Variants in RTL4 observed in about 807,000 individuals in gnomAD.
The protein encoded by RTL4 is retrotransposon Gag-like protein 4.
RTL4 carries 4 observed loss-of-function variants against 5.3 expected under a neutral mutation model. The ratio of observed to expected loss-of-function variants is 0.75; its 90% CI spans 0.37 to 1.72. RTL4 has a LOEUF of 1.72. RTL4 is among the 40% of genes most tolerant of loss of function. The pLI, the probability that RTL4 is intolerant of heterozygous loss-of-function variation, is 0.04. For synonymous variants in RTL4, 98 were observed against 87.3 expected (o/e 1.12, Z -0.68); for missense variants, 260 against 227.1 (o/e 1.14, Z -0.93).
At chrX:112,367,911 A>G in the RTL4 span, among the ~76,000 whole-genome samples, 1 of 112,065 alleles carries the variant, frequency 8.9e-6, no homozygotes, top group Admixed American at 9.5e-5. Context: ...AGTTCTACGC[A>G]TAGAGCATAT....
the RTL4 span, among the ~76,000 whole-genome samples, chrX:112,168,801 G>A: frequency 1.8e-5 from 2 of 111,573 alleles, no homozygotes; most frequent in Non-Finnish European, 3.8e-5. Flanking sequence ...GTAATAATAA[G>A]TATAAGCAGG....
At chrX:112,361,948 A>G in the RTL4 span, among the ~76,000 whole-genome samples, 2 of 111,517 alleles carry the variant, frequency 1.8e-5, no homozygotes, top group African/African-American at 6.5e-5. Context: ...CAGCTTCAAC[A>G]ATCTGCTTCT....
At chrX:112,326,297 C>T in the RTL4 span, among the ~76,000 whole-genome samples, 3 of 111,521 alleles carry the variant, frequency 2.7e-5, no homozygotes, top group African/African-American at 9.8e-5. Flanking sequence ...TGGATGTGCG[C>T]ACCGTGCATG....
the RTL4 span, among the ~76,000 whole-genome samples, chrX:112,116,909 C>A: frequency 1.8e-5 from 2 of 111,293 alleles, no homozygotes; most frequent in Non-Finnish European, 3.8e-5. Flanking sequence ...TTATAGAGGG[C>A]CTACATGAAG....
the RTL4 span, among the ~76,000 whole-genome samples, chrX:112,392,130 G>A: frequency 8.9e-6 from 1 of 111,805 alleles, no homozygotes; most frequent in Non-Finnish European, 1.9e-5. Flanking sequence ...ATTAGTCTGA[G>A]GGTAGCAAGG....
chrX:112,196,082 A>T, the RTL4 span, among the ~76,000 whole-genome samples: 3 of 111,361 alleles, frequency 2.7e-5, no homozygotes, highest in Non-Finnish European at 5.7e-5. Context: ...AAGTTAAATA[A>T]TGTTTCCATT....
At chrX:112,430,449 A>C in the RTL4 span, among the ~76,000 whole-genome samples, 1 of 111,366 alleles carries the variant, frequency 9.0e-6, no homozygotes, top group African/African-American at 3.3e-5. Context: ...TCTGTTCTTG[A>C]ACGTTACCTG....
the RTL4 span, among the ~76,000 whole-genome samples, chrX:112,237,345 G>A: frequency 4.2e-4 from 47 of 112,192 alleles, no homozygotes; most frequent in African/African-American, 1.5e-3. Flanking sequence ...GGTTTGCTAC[G>A]TAGCTACTTC....
chrX:112,213,615 T>G, the RTL4 span, among the ~76,000 whole-genome samples: 1 of 112,193 alleles, frequency 8.9e-6, no homozygotes, highest in African/African-American at 3.2e-5. Context: ...ATTTCACCAT[T>G]TTTAAAATTG....
At chrX:112,164,203 T>C in the RTL4 span, among the ~76,000 whole-genome samples, 2 of 111,396 alleles carry the variant, frequency 1.8e-5, no homozygotes, top group Admixed American at 9.5e-5. Context: ...GTAGCTAGAA[T>C]TTCATGATAC....
the RTL4 span, among the ~76,000 whole-genome samples, chrX:112,117,168 C>T: frequency 8.2e-5 from 9 of 109,271 alleles, no homozygotes; most frequent in Non-Finnish European, 1.1e-4. Context: ...ACCACATAAT[C>T]GTTATATGGT....
chrX:112,303,785 A>G, the RTL4 span, among the ~76,000 whole-genome samples: 217 of 109,425 alleles, frequency 2.0e-3, no homozygotes, highest in African/African-American at 6.9e-3. Flanking sequence ...AAAAAAAAGA[A>G]TTTAAAAAAA....
the RTL4 span, among the ~76,000 whole-genome samples, chrX:112,402,400 T>G: frequency 3.9e-4 from 34 of 87,423 alleles, no homozygotes; most frequent in South Asian, 1.4e-3. Flanking sequence ...GGAATTATTA[T>G]TGTGTGTGTG....
the RTL4 span, among the ~76,000 whole-genome samples, chrX:112,331,220 A>C: frequency 9.4e-6 from 1 of 106,538 alleles, no homozygotes; most frequent in Non-Finnish European, 1.9e-5. Flanking sequence ...GTGAACAGGC[A>C]ACCTACAAAA....
the RTL4 span, among the ~76,000 whole-genome samples, chrX:112,283,936 C>T: frequency 9.1e-6 from 1 of 110,371 alleles, no homozygotes. Context: ...ACCAATCTAG[C>T]ACCTACGTAA....
the RTL4 span, among the ~76,000 whole-genome samples, chrX:112,314,147 T>C: frequency 8.9e-5 from 10 of 111,744 alleles, no homozygotes; most frequent in African/African-American, 2.6e-4. Flanking sequence ...GAAACTGAGA[T>C]TCAGAGAGAT....
the RTL4 span, among the ~76,000 whole-genome samples, chrX:112,330,682 A>G: frequency 3.2e-4 from 36 of 111,503 alleles, no homozygotes; most frequent in Admixed American, 5.7e-4. Context: ...GAACCAAAAA[A>G]GAGCCCGCAT....
the RTL4 span, among the ~76,000 whole-genome samples, chrX:112,329,657 T>G: frequency 2.7e-3 from 297 of 110,847 alleles, 3 homozygotes; most frequent in African/African-American, 8.4e-3. Flanking sequence ...TAACTCATTT[T>G]ATGAGGCCAG....
At chrX:112,216,058 G>GCC in the RTL4 span, among the ~76,000 whole-genome samples, 1 of 111,459 alleles carries the variant, frequency 9.0e-6, no homozygotes, top group South Asian at 3.8e-4. Context: ...GAGAGGGAAT[G>GCC]GTATTTTCTT....
Sources: allele counts gnomAD v4.1 joint callset (sites outside exome capture counted in the v4.1 genomes callset), GRCh38; gene constraint gnomAD v4.1.1; transcripts MANE v1.5; gene names NCBI Gene and HGNC (gene_info 2026-07-23, HGNC 2026-07-21).